The following COL14A1 variants were observed in gnomAD, a reference collection of about 807,000 sequenced individuals.
COL14A1 encodes the protein collagen alpha-1(XIV) chain.
COL14A1 carries 136 observed loss-of-function variants against 230.3 expected under a neutral mutation model. The ratio of observed to expected loss-of-function variants is 0.59; its 90% confidence interval spans 0.51 to 0.68. The LOEUF is 0.68. Ranked by LOEUF, COL14A1 falls within the 30% of genes least tolerant of loss-of-function variation. The pLI, the probability that COL14A1 is intolerant of heterozygous loss-of-function variation, is 0.00. For missense variants in COL14A1, 1,976 were observed against 2,215.8 expected (o/e 0.89, Z 2.17); for synonymous variants, 792 against 784.1 (o/e 1.01, Z -0.17).
intron 42 of COL14A1, among the ~76,000 whole-genome samples, chr8:120,339,202 T>C (rs891770178): frequency 2.0e-5 from 3 of 152,212 alleles, no homozygotes; most frequent in African/African-American, 7.2e-5. Context: ...CTTGAACTCC[T>C]GACCTCGTGG....
At chr8:120,360,307 A>T (rs771612941) in intron 45 of COL14A1, among the ~76,000 whole-genome samples, 10 of 152,206 alleles carry the variant, frequency 6.6e-5, no homozygotes, top group Non-Finnish European at 1.0e-4. Context: ...AAGAATATGA[A>T]GTCCGAACAT....
In COL14A1 at chr8:120,194,130, T is replaced by G. The variant is rs763487615; in HGVS notation, c.437-2661T>G. Among the ~76,000 whole-genome samples, 3 of 152,324 alleles carry G rather than the reference T, an allele frequency of 2.0e-5. No homozygotes were observed. In the East Asian group the frequency reaches 5.8e-4, roughly 29 times the overall value. ...CTCAGATGGAAATGCAGAAATCACC[T>G]GTCTTCTGCGTCACTCACACTGGAA... On this transcript the variant is annotated intron_variant, in intron 5 of 47. Coordinates refer to ENST00000297848, the MANE Select transcript of COL14A1 (RefSeq NM_021110.4).
rs59846403 is a variant in COL14A1 at position 120,298,597 on chromosome 8, TTATATATA to T, written c.4314+1044_4314+1051del. ...TGGGATGTGTGTATACCCATATATT[TTATATATA>T]TATATATATATATATATATATATAT... On this transcript the variant is annotated intron_variant, in intron 35 of 47. Coordinates refer to ENST00000297848, the MANE Select transcript of COL14A1 (RefSeq NM_021110.4). Among the ~76,000 whole-genome samples the T allele has an allele frequency of 6.7e-3, 390 of 57,976 alleles. 2 individuals are homozygous for T. The highest frequency in any genetic ancestry group is 0.014 in the African/African-American group (196 of 14,378). The allele number at this position is 57,976 out of a possible 152,430, so 38.0% of individuals were successfully genotyped here. A position where few individuals can be genotyped will look rare whatever the true frequency, so the allele number is the denominator to read the frequency against.
At chr8:120,142,803 A>C (rs902969517) in intron 1 of COL14A1, among the ~76,000 whole-genome samples, 1 of 152,234 alleles carries the variant, frequency 6.6e-6, no homozygotes, top group African/African-American at 2.4e-5. Context: ...GCAACATAAA[A>C]GAGTTGTATA....
intron 34 of COL14A1, among the ~76,000 whole-genome samples, chr8:120,290,712 T>A (rs1820348797): frequency 6.6e-6 from 1 of 152,180 alleles, no homozygotes; most frequent in Admixed American, 6.5e-5. Context: ...AACAGACCCA[T>A]GGTTCTAATT....
At chr8:120,168,651 G>C (rs1164461998) in intron 5 of COL14A1, among the ~76,000 whole-genome samples, 1 of 152,116 alleles carries the variant, frequency 6.6e-6, no homozygotes, top group Non-Finnish European at 1.5e-5. Context: ...GAATGTCTAT[G>C]TCTCTATTTC....
chr8:120,270,533 TATAGATC>T (rs1819627198), intron 26 of COL14A1, among the ~76,000 whole-genome samples: 2 of 151,926 alleles, frequency 1.3e-5, no homozygotes, highest in East Asian at 3.9e-4. Flanking sequence ...CACACCTTAC[TATAGATC>T]ATGTGGAACA....
intron 5 of COL14A1, among the ~76,000 whole-genome samples, chr8:120,168,890 C>G (rs1302297826): frequency 6.6e-6 from 1 of 152,108 alleles, no homozygotes; most frequent in Admixed American, 6.6e-5. Flanking sequence ...GGATCTCACT[C>G]TGTCACCCAG....
chr8:120,271,781 C>T (rs1819672293), intron 26 of COL14A1, among the ~76,000 whole-genome samples: 1 of 151,340 alleles, frequency 6.6e-6, no homozygotes, highest in Non-Finnish European at 1.5e-5. Context: ...TCTTGTGGAC[C>T]ATCAAAGGAG....
Position 120,247,635 on chromosome 8 carries a change from C to A in COL14A1, c.2502C>A (p.Asn834Lys). The A allele has an allele frequency of 6.2e-7, 1 of 1,614,064 alleles. No homozygotes were observed. Among genetic ancestry groups the A allele is most frequent in the Admixed American group, 1.7e-5 (1 of 59,998 alleles). Reference protein sequence around the residue: ...GKTLPSSGPQNLRVSEEWYNR... With the variant: ...GKTLPSSGPQKLRVSEEWYNR... ...CAGTACCATCCTCGGGGCCCCAGAA[C>A]TTGCGGGTGTCCGAGGAATGGTATA... Residue 834 changes from asparagine to lysine, a missense_variant, in exon 21 of 48, where the codon AAC (asparagine) becomes AAA (lysine). By Grantham distance (94) the Asn-to-Lys change is moderately conservative. Coordinates refer to ENST00000297848, the MANE Select transcript of COL14A1 (RefSeq NM_021110.4).
chr8:120,327,069 G>T (rs1821699323), intron 40 of COL14A1, among the ~76,000 whole-genome samples: 1 of 152,046 alleles, frequency 6.6e-6, no homozygotes, highest in East Asian at 1.9e-4. Context: ...CTTTGTTCTT[G>T]AACAAATTTG....
intron 21 of COL14A1, among the ~76,000 whole-genome samples, chr8:120,249,278 A>G (rs999202043): frequency 3.3e-5 from 5 of 151,642 alleles, no homozygotes; most frequent in African/African-American, 4.8e-5. Context: ...AGCCTTTTCT[A>G]TTGTGCCTCA....
In COL14A1 at chr8:120,371,627, G is replaced by A. The variant is rs1053567215; in HGVS notation, c.*396G>A. On this transcript the variant is annotated 3_prime_UTR_variant, in exon 48 of 48. Transcript: ENST00000297848. ...CCCTAGCAGGAAAAGAATTCAAAGA[G>A]GTTCAAAGAATATGTCACTTACTCC... The A allele has an allele frequency of 1.3e-5, 5 of 398,350 alleles. No homozygotes were observed. In the Admixed American group the frequency reaches 2.2e-4, roughly 18 times the overall value. The allele number at this position is 398,350 out of a possible 1,614,324, so 24.7% of individuals were successfully genotyped here. A position where few individuals can be genotyped will look rare whatever the true frequency, so the allele number is the denominator to read the frequency against.
intron 5 of COL14A1, among the ~76,000 whole-genome samples, chr8:120,184,279 G>A (rs1816575696): frequency 7.0e-6 from 1 of 142,406 alleles, no homozygotes; most frequent in Non-Finnish European, 1.6e-5. Context: ...ATTTTAGACA[G>A]AGTCTTGCTC....
intron 13 of COL14A1, among the ~76,000 whole-genome samples, chr8:120,212,939 A>G (rs975833061): frequency 5.3e-5 from 8 of 152,160 alleles, no homozygotes; most frequent in African/African-American, 1.7e-4. Context: ...GATTGATACA[A>G]CTTTTTTGAT....
intron 33 of COL14A1, among the ~76,000 whole-genome samples, chr8:120,288,135 C>G (rs962793068): frequency 6.6e-6 from 1 of 151,924 alleles, no homozygotes; most frequent in Non-Finnish European, 1.5e-5. Context: ...TTTCTGTAAT[C>G]TATAATATTG....
At chr8:120,235,279 C>T (rs1280838619) in intron 19 of COL14A1, among the ~76,000 whole-genome samples, 1 of 152,150 alleles carries the variant, frequency 6.6e-6, no homozygotes, top group African/African-American at 2.4e-5. Flanking sequence ...CAGCGATTCT[C>T]CTGCCTCAGC....
chr8:120,262,813 G>C, intron 23 of COL14A1, 55 bp from the exon 24 acceptor site: 1 of 1,553,208 alleles, frequency 6.4e-7, no homozygotes, highest in African/African-American at 1.4e-5. Flanking sequence ...GCCAATGGCT[G>C]TGTTTCAAAA....
At chr8:120,141,777 G>A (rs1814922888) in intron 1 of COL14A1, among the ~76,000 whole-genome samples, 1 of 152,116 alleles carries the variant, frequency 6.6e-6, no homozygotes. Flanking sequence ...ATAGAGAAAG[G>A]CTATTTGATT....
Sources: gnomAD v4.1 joint callset for allele counts (sites outside exome capture counted in the v4.1 genomes callset) on GRCh38, gnomAD v4.1.1 for gene constraint, MANE v1.5 for transcripts, NCBI Gene and HGNC (gene_info 2026-07-23, HGNC 2026-07-21) for gene names.